The following PCDHGA5 variants were observed in gnomAD, a reference collection of about 807,000 sequenced individuals.
The protein encoded by PCDHGA5 is protocadherin gamma-A5.
A neutral mutation model predicts 56.7 loss-of-function variants in PCDHGA5; 36 were observed. That is an observed-to-expected ratio of 0.64 (90% CI 0.49 to 0.84). The LOEUF (loss-of-function observed/expected upper bound fraction) is 0.84. Among genes scored for constraint, PCDHGA5 ranks in the 40% least tolerant of loss-of-function variants. The probability of loss-of-function intolerance (pLI) is 0.00; values close to 1 mark genes in which losing one functional copy is unlikely to be tolerated. For synonymous variants in PCDHGA5, 563 were observed against 520.2 expected (o/e 1.08, Z -1.12); for missense variants, 1,305 against 1,201.5 (o/e 1.09, Z -1.27).
chr5:141,415,277 T>A lies in PCDHGA5; in HGVS notation c.2421+48526T>A, dbSNP rs533281226. 42 of 1,614,216 alleles carry A rather than the reference T, an allele frequency of 2.6e-5. No individual in the cohort carries two copies. In the South Asian group the frequency reaches 4.4e-4, roughly 17 times the overall value. On this transcript the variant is annotated intron_variant, in intron 1 of 3. Coordinates refer to ENST00000518069, the MANE Select transcript of PCDHGA5 (RefSeq NM_018918.3). Reference sequence around the variant, plus strand: ...CTCACTCTGTACCTGGTGGTAGCGGTGGCCGCGGTCTCCTGCGTCTTCCTG... The same window carrying A: ...CTCACTCTGTACCTGGTGGTAGCGGAGGCCGCGGTCTCCTGCGTCTTCCTG...
chr5:141,426,431 A>G (rs916399837), intron 1 of PCDHGA5: 1 of 297,328 alleles, frequency 3.4e-6, no homozygotes, highest in Non-Finnish European at 6.7e-6. Context: ...GTGGTGGGGA[A>G]CCTTGCGGAG....
intron 1 of PCDHGA5, chr5:141,390,867 C>CGT (rs61319619): frequency 0.024 from 3,656 of 151,102 alleles, 86 homozygotes; most frequent in African/African-American, 0.056. Flanking sequence ...GCTGTGTGTG[C>CGT]GTGTGTGTGT....
At chr5:141,415,447 T>C in intron 1 of PCDHGA5, 1 of 1,614,200 alleles carries the variant, frequency 6.2e-7, no homozygotes, top group South Asian at 1.1e-5. Context: ...GCAGACCTAT[T>C]CCCACGAGGT....
chr5:141,376,347 A>T (rs1218451115), intron 1 of PCDHGA5: 1 of 1,614,056 alleles, frequency 6.2e-7, no homozygotes. Context: ...ACCTATTCCC[A>T]CGAGGTCTCA....
chr5:141,489,126 T>A lies in PCDHGA5; in HGVS notation c.2422-5681T>A. ...TGCAAGCAGGCAAACCTCCGAGCAGTTTTTAAGAGGCTGGAAGGAGACATA... is the reference window on the plus strand; with the variant it reads ...TGCAAGCAGGCAAACCTCCGAGCAGATTTTAAGAGGCTGGAAGGAGACATA... On this transcript the variant is annotated intron_variant, in intron 1 of 3. Transcript: ENST00000518069. This position sits in a 1 kb window ranked among gnomAD's most constrained non-coding sequence, Gnocchi z 4.5. 1.7e-6 allele frequency: 1 copy of A among 585,136 alleles called. No individual in the cohort carries two copies. Among genetic ancestry groups the A allele is most frequent in the Non-Finnish European group, 2.7e-6 (1 of 375,012 alleles). The allele number at this position is 585,136 out of a possible 1,614,324, so 36.2% of individuals were successfully genotyped here.
At chr5:141,439,124 CAG>C (rs2098089371) in intron 1 of PCDHGA5, among the ~76,000 whole-genome samples, 1 of 150,004 alleles carries the variant, frequency 6.7e-6, no homozygotes, top group Non-Finnish European at 1.5e-5. Flanking sequence ...ACCCGGGAGA[CAG>C]AGGTTGCAGT....
In PCDHGA5 at chr5:141,490,701, C is replaced by T; in HGVS notation, c.2422-4106C>T. On this transcript the variant is annotated intron_variant, in intron 1 of 3. Transcript: ENST00000518069. This position sits in a 1 kb window ranked among gnomAD's most constrained non-coding sequence, Gnocchi z 5.4. Reference sequence around the variant, plus strand: ...CAGATCCAGACACTGGGGATAATGCCCGCCTCACCTACTCCATTGTAGGAA... The same window carrying T: ...CAGATCCAGACACTGGGGATAATGCTCGCCTCACCTACTCCATTGTAGGAA... The T allele has an allele frequency of 6.2e-7, 1 of 1,614,184 alleles. No individual in the cohort carries two copies. The highest frequency in any genetic ancestry group is 8.5e-7 in the Non-Finnish European group (1 of 1,180,008).
intron 1 of PCDHGA5, chr5:141,379,407 A>G (rs750448486): frequency 1.2e-4 from 18 of 152,228 alleles, no homozygotes; most frequent in Admixed American, 2.6e-4. Flanking sequence ...AATCTTGGAT[A>G]TTAGTCTCAT....
In PCDHGA5 at chr5:141,410,321, G is replaced by A. The variant is rs749017304; in HGVS notation, c.2421+43570G>A. ...AATCTCAGTGCTCTTCCTCCTCGCC[G>A]TGATTCTGGCCATTGCCTTGCGCCT... On this transcript the variant is annotated intron_variant, in intron 1 of 3. Transcript: ENST00000518069. The A allele has an allele frequency of 3.7e-6, 6 of 1,613,842 alleles. No homozygotes were observed. The East Asian group carries it at 1.1e-4, about 30-fold the overall frequency.
Position 141,417,750 on chromosome 5 carries a change from G to A in PCDHGA5, c.2421+50999G>A, listed in dbSNP as rs1430413607. The A allele has an allele frequency of 1.5e-5, 22 of 1,426,796 alleles. 1 individual carries two copies. In the East Asian group the frequency reaches 5.5e-4, roughly 36 times the overall value. The allele number at this position is 1,426,796 out of a possible 1,614,324, so 88.4% of individuals were successfully genotyped here. On this transcript the variant is annotated intron_variant, in intron 1 of 3. Coordinates refer to ENST00000518069, the MANE Select transcript of PCDHGA5 (RefSeq NM_018918.3). ...CCTTGCCCAGCACACCAGATTGCCA[G>A]CTCCGAGACCCGGGACTCCTCCTGT...
chr5:141,499,418 A>G (rs143234735), intron 2 of PCDHGA5, among the ~76,000 whole-genome samples: 1 of 152,296 alleles, frequency 6.6e-6, no homozygotes, highest in East Asian at 1.9e-4. Context: ...GAAACATGAA[A>G]AATAGAAAAA....
In PCDHGA5 at chr5:141,365,830, C is replaced by T; in HGVS notation, c.1500C>T (p.Pro500=). 3.7e-6 allele frequency: 6 copies of T among 1,613,946 alleles called. No homozygotes were observed. Among genetic ancestry groups the T allele is most frequent in the Non-Finnish European group, 5.1e-6 (6 of 1,179,890 alleles). The change falls in exon 1 of 4, where the codon CCC becomes CCT. Residue 500 remains proline, a synonymous_variant. Transcript: ENST00000518069. ...CTGAAGACACATTTCAGGGGGCGCC[C>T]TTGTCCTCCTATGTATCCATTAACT... ...SLAEDTFQGA[P]LSSYVSINSD...
intron 1 of PCDHGA5, chr5:141,398,208 G>C (rs898628305): frequency 1.3e-6 from 2 of 1,486,802 alleles, no homozygotes; most frequent in Non-Finnish European, 9.0e-7. Context: ...TGTTCTGCCC[G>C]GCGCTCTGTG....
At position 141,431,423 on chromosome 5, in the gene PCDHGA5, C is replaced by T; in HGVS notation, c.2422-63384C>T. The T allele has an allele frequency of 3.1e-6, 5 of 1,613,670 alleles. No individual in the cohort carries two copies. Among genetic ancestry groups the T allele is most frequent in the Non-Finnish European group, 4.2e-6 (5 of 1,180,030 alleles). ...GGCCTCCGACGGGGGCGACCCGGTG[C>T]GCACAGGCACCGCGCGCATCCGCGT... On this transcript the variant is annotated intron_variant, in intron 1 of 3. Coordinates refer to ENST00000518069, the MANE Select transcript of PCDHGA5 (RefSeq NM_018918.3). This position sits in a 1 kb window ranked among gnomAD's most constrained non-coding sequence, Gnocchi z 4.8.
chr5:141,418,125 G>T (rs765373450), intron 1 of PCDHGA5: 7 of 1,613,968 alleles, frequency 4.3e-6, no homozygotes, highest in African/African-American at 2.7e-5. Flanking sequence ...GTGAAGGACC[G>T]AATAGACCGT....
At chr5:141,448,480 C>A (rs889742803) in intron 1 of PCDHGA5, among the ~76,000 whole-genome samples, 1 of 152,184 alleles carries the variant, frequency 6.6e-6, no homozygotes, top group Admixed American at 6.6e-5. Flanking sequence ...ACCCTTGCTT[C>A]CTCCTGTCCC....
chr5:141,404,860 T>G (rs3749769), intron 1 of PCDHGA5: 7 of 1,613,630 alleles, frequency 4.3e-6, no homozygotes, highest in Admixed American at 1.7e-5. Context: ...TAGATAGAGA[T>G]GCGCTCAAAC....
At chr5:141,408,675 C>T (rs574868088) in intron 1 of PCDHGA5, 14 of 1,613,950 alleles carry the variant, frequency 8.7e-6, no homozygotes, top group Admixed American at 8.3e-5. Flanking sequence ...GACCCTGCCA[C>T]GGATCCTGAT....
rs1009141449 is a variant in PCDHGA5, at chr5:141,491,922, G to A, written c.2422-2885G>A. 2 of 1,349,026 alleles carry A rather than the reference G, an allele frequency of 1.5e-6. No individual in the cohort carries two copies. Among genetic ancestry groups the A allele is most frequent in the African/African-American group, 1.5e-5 (1 of 67,598 alleles). The allele number at this position is 1,349,026 out of a possible 1,614,324, so 83.6% of individuals were successfully genotyped here. On this transcript the variant is annotated intron_variant, in intron 1 of 3. Coordinates refer to ENST00000518069, the MANE Select transcript of PCDHGA5 (RefSeq NM_018918.3). The surrounding 1 kb of genome is among the most constrained non-coding windows in gnomAD (Gnocchi z 6.9). ...CGGGGGTGGTGGCGACTGTGGGCGAGGGGAGGTGGGACCGACCCCCACCCC... is the reference window on the plus strand; with the variant it reads ...CGGGGGTGGTGGCGACTGTGGGCGAAGGGAGGTGGGACCGACCCCCACCCC...
Sources: gnomAD v4.1 joint callset for allele counts (sites outside exome capture counted in the v4.1 genomes callset) on GRCh38, gnomAD v4.1.1 for gene constraint, Gnocchi (gnomAD v3.1) non-coding constraint, MANE v1.5 for transcripts, NCBI Gene and HGNC (gene_info 2026-07-23, HGNC 2026-07-21) for gene names.